The following CLDN8 variants were observed in gnomAD, a reference collection of about 807,000 sequenced individuals.
CLDN8 encodes claudin 8.
In CLDN8, 2 loss-of-function variants were observed where a neutral mutation model predicts 2.2. The ratio of observed to expected loss-of-function variants is 0.90; its 90% CI spans 0.37 to 2.82. The LOEUF (loss-of-function observed/expected upper bound fraction) is 2.82. Ranked by LOEUF, CLDN8 falls within the 30% of genes most tolerant of loss-of-function variation. CLDN8 has a pLI of 0.10. For synonymous variants in CLDN8, 107 were observed against 104.8 expected (o/e 1.02, Z -0.13); for missense variants, 314 against 280.5 (o/e 1.12, Z -0.85).
rs1009798865 is a variant in CLDN8, at chr21:30,216,064, C to T, written c.-139G>A. ...AACCCAGTGGTTTTTCAAATAAGAG[C>T]TGCTTTGCTACTTCTGGCCAGATAG... On this transcript the variant is annotated 5_prime_UTR_variant, in exon 1 of 1. Coordinates refer to ENST00000399899, the MANE Select transcript of CLDN8 (RefSeq NM_199328.3). 3.9e-6 allele frequency: 3 copies of T among 764,676 alleles called. No homozygotes were observed. The highest frequency in any genetic ancestry group is 6.3e-6 in the Non-Finnish European group (3 of 476,588). The allele number at this position is 764,676 out of a possible 1,614,324, so 47.4% of individuals were successfully genotyped here. A position where few individuals can be genotyped will look rare whatever the true frequency, so the allele number is the denominator to read the frequency against.
chr21:30,215,288 T>A lies in CLDN8; in HGVS notation c.638A>T (p.Lys213Met), dbSNP rs748272009. 5.0e-6 allele frequency: 8 copies of A among 1,614,038 alleles called. No homozygotes were observed. In the East Asian group the frequency reaches 1.8e-4, roughly 36 times the overall value. ...RTTQKSYHTG[K>M]KSPSVYSRSQ... ...TCTGGAGTAGACGCTCGGTGACTTC[T>A]TTCCGGTGTGATAACTTTTTTGGGT... Residue 213 changes from lysine to methionine, a missense_variant, in exon 1 of 1, where the codon AAG becomes ATG. Coordinates refer to ENST00000399899, the MANE Select transcript of CLDN8 (RefSeq NM_199328.3).
chr21:30,215,952 C>A lies in CLDN8; in HGVS notation c.-27G>T. On this transcript the variant is annotated 5_prime_UTR_variant, in exon 1 of 1. Transcript: ENST00000399899. ...ATCCTCTGGGATGAGTTTTAGCCAG[C>A]TGGACTCCGGAACTGCTACTTCTGC... The A allele has an allele frequency of 6.4e-7, 1 of 1,561,620 alleles. No homozygotes were observed. Among genetic ancestry groups the A allele is most frequent in the African/African-American group, 1.4e-5 (1 of 73,090 alleles).
In CLDN8 at chr21:30,215,834, C is replaced by T; in HGVS notation, c.92G>A (p.Arg31Lys). 1.9e-6 allele frequency: 3 copies of T among 1,614,108 alleles called. No individual in the cohort carries two copies. The highest frequency in any genetic ancestry group is 2.5e-6 in the Non-Finnish European group (3 of 1,179,988). The change falls in exon 1 of 1, where the codon AGA becomes AAA. Residue 31 changes from arginine (R) to lysine (K), a missense_variant. By Grantham distance (26) the Arg-to-Lys change is conservative. Transcript: ENST00000399899. ...GTTGTTTTCAATGAAGGCCGACACT[C>T]TCCACTGAGGCATGACAGTGACAGC... ...TVAVTVMPQW[R>K]VSAFIENNIV...
rs141620647 is a variant in CLDN8 at position 30,215,794 on chromosome 21, T to G, written c.132A>C (p.Glu44Asp). The change falls in exon 1 of 1, where the codon GAA (glutamate) becomes GAC (aspartate). Residue 44 changes from glutamate to aspartate, a missense_variant. By Grantham distance (45) the Glu-to-Asp change is conservative (BLOSUM62 2). Transcript: ENST00000399899. ...TCATCCACAGTCCTTCCCAGAAGTTTTCAAAAACCACGATGTTGTTTTCAA... is the reference window on the plus strand; with the variant it reads ...TCATCCACAGTCCTTCCCAGAAGTTGTCAAAAACCACGATGTTGTTTTCAA... Reference protein sequence around the residue: ...AFIENNIVVFENFWEGLWMNC... With the variant: ...AFIENNIVVFDNFWEGLWMNC... The G allele has an allele frequency of 7.4e-6, 12 of 1,613,954 alleles. No homozygotes were observed. The African/African-American group carries it at 1.6e-4, about 22-fold the overall frequency.
Position 30,215,072 on chromosome 21 carries a change from T to C in CLDN8, c.*176A>G, listed in dbSNP as rs1978906604. 2 of 592,550 alleles carry C rather than the reference T, an allele frequency of 3.4e-6. No homozygotes were observed. Among genetic ancestry groups the C allele is most frequent in the Non-Finnish European group, 5.9e-6 (2 of 338,408 alleles). 36.7% of individuals were successfully genotyped at this position (592,550 alleles called of 1,614,324 possible). On this transcript the variant is annotated 3_prime_UTR_variant, in exon 1 of 1. Transcript: ENST00000399899. ...AACAATCAAAGCATTGGGTTTAATA[T>C]CTCATTCTGCTGAAATAGCTTATAG...
rs772297302 is a variant in CLDN8, at chr21:30,215,826, C to T, written c.100G>A (p.Ala34Thr). 8 of 1,614,038 alleles carry T rather than the reference C, an allele frequency of 5.0e-6. No homozygotes were observed. In the Admixed American group the frequency reaches 6.7e-5, roughly 13 times the overall value. The change falls in exon 1 of 1, where the codon GCC (alanine) becomes ACC (threonine). Residue 34 changes from alanine to threonine, a missense_variant. Transcript: ENST00000399899. ...VTVMPQWRVS[A>T]FIENNIVVFE... Reference sequence around the variant, plus strand: ...ACCACGATGTTGTTTTCAATGAAGGCCGACACTCTCCACTGAGGCATGACA... The same window carrying T: ...ACCACGATGTTGTTTTCAATGAAGGTCGACACTCTCCACTGAGGCATGACA...
At position 30,215,148 on chromosome 21, in the gene CLDN8, G is replaced by A. The variant is rs1978908855; in HGVS notation, c.*100C>T. On this transcript the variant is annotated 3_prime_UTR_variant, in exon 1 of 1. Transcript: ENST00000399899. ...CCTGTAATTAAGATTAGGCAGTTAAGAACAGTAAATCAAAGTTTCTTTGGG... is the reference window on the plus strand; with the variant it reads ...CCTGTAATTAAGATTAGGCAGTTAAAAACAGTAAATCAAAGTTTCTTTGGG... 1 of 951,454 alleles carries A rather than the reference G, an allele frequency of 1.1e-6. No homozygotes were observed. Among genetic ancestry groups the A allele is most frequent in the Non-Finnish European group, 1.6e-6 (1 of 618,678 alleles). The allele number at this position is 951,454 out of a possible 1,614,324, so 58.9% of individuals were successfully genotyped here. A position where few individuals can be genotyped will look rare whatever the true frequency, so the allele number is the denominator to read the frequency against.
Position 30,214,954 on chromosome 21 carries a change from A to C in CLDN8, c.*294T>G, listed in dbSNP as rs546105661. The C allele has an allele frequency of 1.8e-4, 59 of 336,230 alleles. No individual in the cohort carries two copies. Among genetic ancestry groups the C allele is most frequent in the African/African-American group, 1.1e-3 (55 of 47,870 alleles). The allele number at this position is 336,230 out of a possible 1,614,324, so 20.8% of individuals were successfully genotyped here. The stretch of plus-strand genomic sequence containing the variant: ...GTCGTGGAGAAATTACAGTAGTAAA[A>C]TAATGCAGTCTTTAGCAATGTCATT... On this transcript the variant is annotated 3_prime_UTR_variant, in exon 1 of 1. Transcript: ENST00000399899.
chr21:30,215,868 C>T lies in CLDN8; in HGVS notation c.58G>A (p.Gly20Ser), dbSNP rs963177454. The change falls in exon 1 of 1, where the codon GGC (glycine) becomes AGC (serine). Residue 20 changes from glycine to serine, a missense_variant. Physicochemically the swap from Gly to Ser is moderately conservative, Grantham distance 56. Transcript: ENST00000399899. ...GGCATGACAGTGACAGCCACTGTGC[C>T]CACCATTCCAACACCACCAAGAAAC... ...GLFLGGVGMV[G>S]TVAVTVMPQW... is the part of the protein sequence containing the mutation. The T allele has an allele frequency of 1.2e-6, 2 of 1,613,432 alleles. No individual in the cohort carries two copies. Among genetic ancestry groups the T allele is most frequent in the African/African-American group, 2.7e-5 (2 of 74,860 alleles).
At position 30,214,944 on chromosome 21, in the gene CLDN8, C is replaced by T; in HGVS notation, c.*304G>A. The T allele has an allele frequency of 3.3e-6, 1 of 305,656 alleles. No homozygotes were observed. Among genetic ancestry groups the T allele is most frequent in the South Asian group, 4.7e-5 (1 of 21,204 alleles). The allele number at this position is 305,656 out of a possible 1,614,324, so 18.9% of individuals were successfully genotyped here. ...ATAATGCTATGTCGTGGAGAAATTA[C>T]AGTAGTAAAATAATGCAGTCTTTAG... On this transcript the variant is annotated 3_prime_UTR_variant, in exon 1 of 1. Transcript: ENST00000399899.
rs774807900 is a variant in CLDN8 at position 30,215,303 on chromosome 21, C to A, written c.623G>T (p.Ser208Ile). 10 of 1,614,008 alleles carry A rather than the reference C, an allele frequency of 6.2e-6. No homozygotes were observed. The highest frequency in any genetic ancestry group is 3.3e-5 in the Admixed American group (2 of 59,994). Residue 208 changes from serine to isoleucine, a missense_variant, in exon 1 of 1, where the codon AGT (serine) becomes ATT (isoleucine). Physicochemically the swap from Ser to Ile is moderately radical, Grantham distance 142. Coordinates refer to ENST00000399899, the MANE Select transcript of CLDN8 (RefSeq NM_199328.3). ...CGGTGACTTCTTTCCGGTGTGATAA[C>A]TTTTTTGGGTTGTGCGATGGGAAGG... The part of the protein sequence containing the change: ...SIPSHRTTQK[S>I]YHTGKKSPSV...
rs543328603 is a variant in CLDN8, at chr21:30,215,587, C to T, written c.339G>A (p.Lys113=). The change falls in exon 1 of 1, where the codon AAG becomes AAA. Residue 113 remains lysine, a synonymous_variant. Coordinates refer to ENST00000399899, the MANE Select transcript of CLDN8 (RefSeq NM_199328.3). ...CCGTCAGCAGAATGTGAGCCTTCAC[C>T]TTCTCATTGTCCCCCGTGCACCTGG... ...KCTRCTGDNE[K]VKAHILLTAG... The T allele has an allele frequency of 3.7e-6, 6 of 1,614,064 alleles. No individual in the cohort carries two copies. In the African/African-American group the frequency reaches 6.7e-5, roughly 18 times the overall value.
At position 30,215,791 on chromosome 21, in the gene CLDN8, G is replaced by C; in HGVS notation, c.135C>G (p.Asn45Lys). 1 of 1,614,046 alleles carries C rather than the reference G, an allele frequency of 6.2e-7. No individual in the cohort carries two copies. Among genetic ancestry groups the C allele is most frequent in the Admixed American group, 1.7e-5 (1 of 60,004 alleles). ...FIENNIVVFE[N>K]FWEGLWMNCV... Reference sequence around the variant, plus strand: ...AATTCATCCACAGTCCTTCCCAGAAGTTTTCAAAAACCACGATGTTGTTTT... The same window carrying C: ...AATTCATCCACAGTCCTTCCCAGAACTTTTCAAAAACCACGATGTTGTTTT... The change falls in exon 1 of 1, where the codon AAC becomes AAG. Residue 45 changes from asparagine (N) to lysine (K), a missense_variant. Physicochemically the swap from Asn to Lys is moderately conservative, Grantham distance 94 (BLOSUM62 0). Transcript: ENST00000399899.
rs2038642248 is a variant in CLDN8, at chr21:30,215,781, C to A, written c.145G>T (p.Gly49Ter). ...TGCCTCACGCAATTCATCCACAGTCCTTCCCAGAAGTTTTCAAAAACCACG... is the reference window on the plus strand; with the variant it reads ...TGCCTCACGCAATTCATCCACAGTCATTCCCAGAAGTTTTCAAAAACCACG... ...NIVVFENFWE[G>*]LWMNCVRQAN... is the part of the protein sequence containing the mutation. Residue 49 changes from glycine (G) to a stop codon, truncating the protein, a stop_gained, in exon 1 of 1, where the codon GGA (glycine) becomes TGA (stop). Transcript: ENST00000399899. LOFTEE classifies it low-confidence loss of function (END_TRUNC). The A allele has an allele frequency of 6.2e-7, 1 of 1,613,910 alleles. No individual in the cohort carries two copies. The highest frequency in any genetic ancestry group is 1.3e-5 in the African/African-American group (1 of 74,878).
rs1389181552 is a variant in CLDN8, at chr21:30,215,936, G to A, written c.-11C>T. ...GGCATGGGTTGCCATTATCCTCTGG[G>A]ATGAGTTTTAGCCAGCTGGACTCCG... On this transcript the variant is annotated 5_prime_UTR_variant, in exon 1 of 1. Coordinates refer to ENST00000399899, the MANE Select transcript of CLDN8 (RefSeq NM_199328.3). 2.3e-5 allele frequency: 37 copies of A among 1,587,710 alleles called. No individual in the cohort carries two copies. The highest frequency in any genetic ancestry group is 3.2e-5 in the Non-Finnish European group (37 of 1,167,332).
In CLDN8 at chr21:30,214,771, G is replaced by A. The variant is rs1212623591; in HGVS notation, c.*477C>T. ...CTAAGCTGTTTTTAAACAATTAATA[G>A]TAACCTTCTTCAACCCTATCCATGA... On this transcript the variant is annotated 3_prime_UTR_variant, in exon 1 of 1. Transcript: ENST00000399899. The A allele has an allele frequency of 6.5e-6, 1 of 154,234 alleles. No individual in the cohort carries two copies. The highest frequency in any genetic ancestry group is 1.4e-5 in the Non-Finnish European group (1 of 69,222). The allele number at this position is 154,234 out of a possible 1,614,324, so 9.6% of individuals were successfully genotyped here.
chr21:30,214,920 T>G lies in CLDN8; in HGVS notation c.*328A>C, dbSNP rs1057283260. Reference sequence around the variant, plus strand: ...TAAATGTTACACTCATCTATGTACATAATGCTATGTCGTGGAGAAATTACA... The same window carrying G: ...TAAATGTTACACTCATCTATGTACAGAATGCTATGTCGTGGAGAAATTACA... On this transcript the variant is annotated 3_prime_UTR_variant, in exon 1 of 1. Coordinates refer to ENST00000399899, the MANE Select transcript of CLDN8 (RefSeq NM_199328.3). 3.9e-6 allele frequency: 1 copy of G among 259,074 alleles called. No homozygotes were observed. The highest frequency in any genetic ancestry group is 7.5e-6 in the Non-Finnish European group (1 of 133,020). 16.0% of individuals were successfully genotyped at this position (259,074 alleles called of 1,614,324 possible). A position where few individuals can be genotyped will look rare whatever the true frequency, so the allele number is the denominator to read the frequency against.
rs978915979 is a variant in CLDN8, at chr21:30,215,766, A to G, written c.160T>C (p.Cys54Arg). ...ENFWEGLWMN[C>R]VRQANIRMQC... ...ATCCTGATGTTAGCCTGCCTCACGCAATTCATCCACAGTCCTTCCCAGAAG... is the reference window on the plus strand; with the variant it reads ...ATCCTGATGTTAGCCTGCCTCACGCGATTCATCCACAGTCCTTCCCAGAAG... Residue 54 changes from cysteine to arginine, a missense_variant, in exon 1 of 1, where the codon TGC becomes CGC. Coordinates refer to ENST00000399899, the MANE Select transcript of CLDN8 (RefSeq NM_199328.3). The G allele has an allele frequency of 1.2e-6, 2 of 1,614,062 alleles. No individual in the cohort carries two copies. The highest frequency in any genetic ancestry group is 1.7e-6 in the Non-Finnish European group (2 of 1,180,004).
rs1300149809 is a variant in CLDN8, at chr21:30,214,291, T to A, written c.*957A>T. ...CAAAGGACAACTTTTTTTGTTGTTG[T>A]TTTTTTGGTAAGCAAATGAAAACCA... On this transcript the variant is annotated 3_prime_UTR_variant, in exon 1 of 1. Transcript: ENST00000399899. The A allele has an allele frequency of 2.0e-5, 3 of 152,070 alleles. No homozygotes were observed. The highest frequency in any genetic ancestry group is 7.2e-5 in the African/African-American group (3 of 41,438). The allele number at this position is 152,070 out of a possible 1,614,324, so 9.4% of individuals were successfully genotyped here.
Sources: allele counts gnomAD v4.1 joint callset, GRCh38; gene constraint gnomAD v4.1.1; transcripts MANE v1.5; gene names NCBI Gene and HGNC (gene_info 2026-07-23, HGNC 2026-07-21).